PTCD2: variants seen among roughly 807,000 people sequenced by gnomAD.
The protein encoded by PTCD2 is pentatricopeptide repeat domain 2.
A neutral mutation model predicts 42.6 loss-of-function variants in PTCD2; 31 were observed. The ratio of observed to expected loss-of-function variants is 0.73; its 90% confidence interval spans 0.55 to 0.98. The LOEUF (loss-of-function observed/expected upper bound fraction) is 0.98. Among genes scored for constraint, PTCD2 ranks in the 50% least tolerant of loss-of-function variants. The pLI, the probability that PTCD2 is intolerant of heterozygous loss-of-function variation, is 0.00. For synonymous variants in PTCD2, 183 were observed against 170.9 expected (o/e 1.07, Z -0.55); for missense variants, 476 against 454.8 (o/e 1.05, Z -0.42).
In PTCD2 at chr5:72,320,483, C is replaced by T. The variant is rs376487120; in HGVS notation, c.101C>T (p.Ser34Phe). The part of the protein sequence containing the change: ...LVYPGVGGSG[S>F]VSCRCPLGAK... ...TATCCTGGGGTGGGAGGCTCCGGCT[C>T]TGTCAGCTGCCGCTGCCCTCTCGGA... Residue 34 changes from serine to phenylalanine, a missense_variant, in exon 1 of 10, where the codon TCT (serine) becomes TTT (phenylalanine). Physicochemically the swap from Ser to Phe is radical, Grantham distance 155. Coordinates refer to ENST00000380639, the MANE Select transcript of PTCD2 (RefSeq NM_024754.5). The T allele has an allele frequency of 9.3e-6, 15 of 1,613,962 alleles. No homozygotes were observed. Among genetic ancestry groups the T allele is most frequent in the Non-Finnish European group, 1.3e-5 (15 of 1,180,046 alleles).
chr5:72,338,737 T>G lies in PTCD2; in HGVS notation c.753+2T>G. 1 of 1,556,938 alleles carries G rather than the reference T, an allele frequency of 6.4e-7. No individual in the cohort carries two copies. Among genetic ancestry groups the G allele is most frequent in the Non-Finnish European group, 8.9e-7 (1 of 1,129,282 alleles). ...GCTGTGGCATTAGCTCTGAATCAGG[T>G]AAAGCCTTGTGGTGTACATAAGTAA... On this transcript the variant is annotated splice_donor_variant, in intron 7 of 9. Coordinates refer to ENST00000380639, the MANE Select transcript of PTCD2 (RefSeq NM_024754.5). LOFTEE classifies it high-confidence loss of function.
intron 9 of PTCD2, among the ~76,000 whole-genome samples, chr5:72,356,573 A>G (rs1025517193): frequency 1.3e-5 from 2 of 152,254 alleles, no homozygotes; most frequent in Non-Finnish European, 2.9e-5. Context: ...AGATAAGACT[A>G]TAAACTATCA....
intron 2 of PTCD2, among the ~76,000 whole-genome samples, chr5:72,326,078 G>T (rs1055605237): frequency 6.6e-6 from 1 of 152,152 alleles, no homozygotes; most frequent in Non-Finnish European, 1.5e-5. Flanking sequence ...AGACCAAGAG[G>T]AATGAAAAAG....
chr5:72,341,447 G>A (rs1422540752), intron 7 of PTCD2, among the ~76,000 whole-genome samples: 1 of 151,660 alleles, frequency 6.6e-6, no homozygotes, highest in African/African-American at 2.4e-5. Context: ...ATTGAAAAGT[G>A]TAAGTTTCAG....
Position 72,363,956 on chromosome 5 carries a change from T to A in PTCD2, c.*5529T>A, listed in dbSNP as rs1347680282. ...TAGATAAACTAGCCATAAAAAAGAT[T>A]ACAGCGGCAAAAGCTATCATCAGTA... On this transcript the variant is annotated 3_prime_UTR_variant, in exon 10 of 10. Transcript: ENST00000380639. 6.6e-6 allele frequency: 1 copy of A among 152,166 alleles called. No individual in the cohort carries two copies. Among genetic ancestry groups the A allele is most frequent in the African/African-American group, 2.4e-5 (1 of 41,462 alleles). 9.4% of individuals were successfully genotyped at this position (152,166 alleles called of 1,614,324 possible). A position where few individuals can be genotyped will look rare whatever the true frequency, so the allele number is the denominator to read the frequency against.
Position 72,320,508 on chromosome 5 carries a change from A to G in PTCD2, c.126A>G (p.Gly42=). 1 of 1,613,582 alleles carries G rather than the reference A, an allele frequency of 6.2e-7. No homozygotes were observed. Among genetic ancestry groups the G allele is most frequent in the Middle Eastern group, 1.6e-4 (1 of 6,062 alleles). The change falls in exon 1 of 10, where the codon GGA becomes GGG. Residue 42 remains glycine (G), a splice_region_variant and synonymous_variant. Coordinates refer to ENST00000380639, the MANE Select transcript of PTCD2 (RefSeq NM_024754.5). ...CTGTCAGCTGCCGCTGCCCTCTCGG[A>G]GGTATCCGCGGCTTTAGCCTAGGGA... The part of the protein sequence containing the change: ...SGSVSCRCPL[G]AKRYLLTDNV...
chr5:72,356,315 T>G (rs1196291513), intron 9 of PTCD2, among the ~76,000 whole-genome samples: 2 of 152,234 alleles, frequency 1.3e-5, no homozygotes, highest in Non-Finnish European at 2.9e-5. Context: ...TGAAAAATAC[T>G]CATATAAGAC....
intron 2 of PTCD2, among the ~76,000 whole-genome samples, chr5:72,323,774 A>T (rs1750989057): frequency 6.6e-6 from 1 of 152,180 alleles, no homozygotes; most frequent in Non-Finnish European, 1.5e-5. Context: ...TAGCCTCCTG[A>T]GTAACTAGGA....
At chr5:72,328,390 G>C (rs1751255256) in intron 3 of PTCD2, among the ~76,000 whole-genome samples, 1 of 152,190 alleles carries the variant, frequency 6.6e-6, no homozygotes, top group Admixed American at 6.5e-5. Context: ...AGCTGCACTG[G>C]CCCACAGCCC....
At chr5:72,340,332 T>C (rs1448411710) in intron 7 of PTCD2, among the ~76,000 whole-genome samples, 2 of 152,226 alleles carry the variant, frequency 1.3e-5, no homozygotes, top group Non-Finnish European at 2.9e-5. Context: ...TTAGCTGGTA[T>C]TTTATTTTGA....
chr5:72,323,028 T>C (rs1388134302), intron 2 of PTCD2, among the ~76,000 whole-genome samples: 2 of 152,126 alleles, frequency 1.3e-5, no homozygotes, highest in Non-Finnish European at 2.9e-5. Context: ...TGCATGCCTG[T>C]AGTCACAGCT....
intron 4 of PTCD2, 136 bp from the exon 5 acceptor site, chr5:72,334,882 T>G (rs985268924): frequency 3.7e-5 from 22 of 598,916 alleles, no homozygotes; most frequent in Non-Finnish European, 6.5e-5. Flanking sequence ...GTATATAAAA[T>G]ATATTAGAGA....
chr5:72,339,786 C>T (rs911822904), intron 7 of PTCD2, among the ~76,000 whole-genome samples: 1 of 152,080 alleles, frequency 6.6e-6, no homozygotes, highest in Admixed American at 6.5e-5. Flanking sequence ...TTGTGAATCC[C>T]TCACTTTAGC....
intron 4 of PTCD2, among the ~76,000 whole-genome samples, chr5:72,332,441 AAGATAGAC>A (rs1751490059): frequency 6.6e-6 from 1 of 152,222 alleles, no homozygotes; most frequent in Non-Finnish European, 1.5e-5. Flanking sequence ...AGATACTGGA[AAGATAGAC>A]ACTAAATCAC....
chr5:72,320,603 C>G (rs889445158), intron 1 of PTCD2, 94 bp downstream of exon 1: 35 of 1,546,266 alleles, frequency 2.3e-5, no homozygotes, highest in Non-Finnish European at 3.1e-5. Context: ...AGCCACAGCT[C>G]CTAAGTCACT....
At position 72,358,516 on chromosome 5, in the gene PTCD2, G is replaced by T. The variant is rs550439769; in HGVS notation, c.*89G>T. 12 of 898,238 alleles carry T rather than the reference G, an allele frequency of 1.3e-5. No individual in the cohort carries two copies. Among genetic ancestry groups the T allele is most frequent in the Non-Finnish European group, 1.9e-5 (11 of 565,612 alleles). 55.6% of individuals were successfully genotyped at this position (898,238 alleles called of 1,614,324 possible). A position where few individuals can be genotyped will look rare whatever the true frequency, so the allele number is the denominator to read the frequency against. On this transcript the variant is annotated 3_prime_UTR_variant, in exon 10 of 10. Transcript: ENST00000380639. ...AGAAGCCAGGTATCGCACTTCAGCAGACAGTGTGCTGACACTTGGTCTTCT... is the reference window on the plus strand; with the variant it reads ...AGAAGCCAGGTATCGCACTTCAGCATACAGTGTGCTGACACTTGGTCTTCT...
intron 5 of PTCD2, 81 bp downstream of exon 5, chr5:72,335,177 A>C (rs1751665731): frequency 8.9e-6 from 7 of 788,698 alleles, no homozygotes; most frequent in Non-Finnish European, 1.5e-5. Flanking sequence ...TGAGTCATGC[A>C]AAAATGATTC....
At chr5:72,324,171 T>A (rs1751013016) in intron 2 of PTCD2, among the ~76,000 whole-genome samples, 1 of 152,244 alleles carries the variant, frequency 6.6e-6, no homozygotes, top group Non-Finnish European at 1.5e-5. Flanking sequence ...TAGGGCTTCA[T>A]GTCATCCAGT....
At chr5:72,337,396 C>T (rs1178024593) in intron 6 of PTCD2, among the ~76,000 whole-genome samples, 1 of 151,932 alleles carries the variant, frequency 6.6e-6, no homozygotes, top group African/African-American at 2.4e-5. Context: ...AAAAAAAACA[C>T]CACACAGCAC....
Sources: allele counts gnomAD v4.1 joint callset (sites outside exome capture counted in the v4.1 genomes callset), GRCh38; gene constraint gnomAD v4.1.1; transcripts MANE v1.5; gene names NCBI Gene and HGNC (gene_info 2026-07-23, HGNC 2026-07-21).